The following SLC6A8 variants were observed in gnomAD, a reference collection of about 807,000 sequenced individuals.
SLC6A8 encodes the protein sodium- and chloride-dependent creatine transporter 1.
In SLC6A8, 6 loss-of-function variants were observed where a neutral mutation model predicts 48.3. The observed-to-expected ratio is 0.12, with a 90% CI of 0.07 to 0.25. The LOEUF (loss-of-function observed/expected upper bound fraction) is 0.25, where lower values mean the gene tolerates loss of function less well. Ranked by LOEUF, SLC6A8 falls within the 10% of genes least tolerant of loss-of-function variation. SLC6A8 has a pLI of 1.00. For synonymous variants in SLC6A8, 245 were observed against 244.0 expected, an observed-to-expected ratio of 1.00 and a Z score of -0.04; for missense variants, 260 against 551.5, an observed-to-expected ratio of 0.47 and a Z score of 5.29.
intron 2 of SLC6A8, 81 bp downstream of exon 2, chrX:153,690,587 G>C (rs1292525317): frequency 1.2e-5 from 13 of 1,049,631 alleles, no homozygotes; most frequent in Non-Finnish European, 1.6e-5. Context: ...CCTGTCGTGA[G>C]CACCAGGCCT....
intron 7 of SLC6A8, 86 bp from the exon 8 acceptor site, chrX:153,693,819 T>TGGGCGC (rs1254879497): frequency 1.2e-6 from 1 of 866,259 alleles, no homozygotes; most frequent in Non-Finnish European, 1.7e-6. Flanking sequence ...GGCGTGGGCA[T>TGGGCGC]GGGCGCGAGT....
In SLC6A8 at chrX:153,694,998, G is replaced by A. The variant is rs1320107342; in HGVS notation, c.1768-76G>A. The A allele has an allele frequency of 3.3e-5, 38 of 1,135,487 alleles. No individual in the cohort carries two copies. In the Middle Eastern group the frequency reaches 1.5e-3, roughly 46 times the overall value. 93.6% of individuals were successfully genotyped at this position (1,135,487 alleles called of 1,213,427 possible). The stretch of plus-strand genomic sequence containing the variant: ...ACTAGGGTGGCAGGCAGTGGGAACC[G>A]GAGAGAGGCAGAGGAAGTCACCGTG... On this transcript the variant is annotated intron_variant, in intron 12 of 12. Transcript: ENST00000253122.
At chrX:153,693,415 CCTGCCCAGCA>C in intron 6 of SLC6A8, 37 bp from the exon 7 acceptor site, 4 of 1,209,729 alleles carry the variant, frequency 3.3e-6, no homozygotes, top group Non-Finnish European at 4.5e-6. Context: ...CCTGCCCCGC[CCTGCCCAGCA>C]GCCTAACCCA....
intron 4 of SLC6A8, 185 bp downstream of exon 4, chrX:153,692,292 G>C (rs2091460351): frequency 1.9e-6 from 1 of 513,937 alleles, no homozygotes; most frequent in Admixed American, 2.7e-5. Flanking sequence ...TTGCTCCTGG[G>C]GATAGAGGCC....
intron 4 of SLC6A8, 193 bp from the exon 5 acceptor site, chrX:153,692,848 G>T: frequency 1.9e-6 from 1 of 538,453 alleles, no homozygotes; most frequent in East Asian, 3.7e-5. Flanking sequence ...GGCGCCCAGG[G>T]AGCTTCCCCA....
chrX:153,691,092 T>C lies in SLC6A8; in HGVS notation c.395-212T>C, dbSNP rs1245414876. 3 of 443,451 alleles carry C rather than the reference T, an allele frequency of 6.8e-6. No homozygotes were observed. In the African/African-American group the frequency reaches 7.3e-5, roughly 11 times the overall value. The allele number at this position is 443,451 out of a possible 1,213,427, so 36.5% of individuals were successfully genotyped here. ...AGAGGGGCTCGCTCTGCCTTGGGTC[T>C]AGGGGGCGGCTGGAGGAGAGGAGAC... On this transcript the variant is annotated intron_variant, in intron 2 of 12. Coordinates refer to ENST00000253122, the MANE Select transcript of SLC6A8 (RefSeq NM_005629.4).
At position 153,695,424 on chromosome X, in the gene SLC6A8, G is replaced by A. The variant is rs2091484878; in HGVS notation, c.*210G>A. 4.5e-6 allele frequency: 2 copies of A among 449,292 alleles called. No individual in the cohort carries two copies. Among genetic ancestry groups the A allele is most frequent in the Non-Finnish European group, 7.8e-6 (2 of 255,796 alleles). The allele number at this position is 449,292 out of a possible 1,213,427, so 37.0% of individuals were successfully genotyped here. On this transcript the variant is annotated 3_prime_UTR_variant, in exon 13 of 13. Coordinates refer to ENST00000253122, the MANE Select transcript of SLC6A8 (RefSeq NM_005629.4). ...ATATCACAACCCACCAAAAATAGATGCCTCTCCCCCTCCAGCCCTAGCCGA... is the reference window on the plus strand; with the variant it reads ...ATATCACAACCCACCAAAAATAGATACCTCTCCCCCTCCAGCCCTAGCCGA...
Position 153,688,748 on chromosome X carries a change from G to A in SLC6A8, c.174G>A (p.Gln58=), listed in dbSNP as rs1557043848. The A allele has an allele frequency of 8.8e-7, 1 of 1,139,669 alleles. No individual in the cohort carries two copies. The highest frequency in any genetic ancestry group is 1.2e-6 in the Non-Finnish European group (1 of 856,800). The allele number at this position is 1,139,669 out of a possible 1,213,427, so 93.9% of individuals were successfully genotyped here. ...AVPPRETWTR[Q]MDFIMSCVGF... ...CGCCGCGCGAGACCTGGACGCGCCAGATGGACTTCATCATGTCGTGCGTGG... is the reference window on the plus strand; with the variant it reads ...CGCCGCGCGAGACCTGGACGCGCCAAATGGACTTCATCATGTCGTGCGTGG... The change falls in exon 1 of 13, where the codon CAG becomes CAA. Residue 58 remains glutamine (Q), a synonymous_variant. Transcript: ENST00000253122.
In SLC6A8 at chrX:153,694,778, G is replaced by T. The variant is rs1557045696; in HGVS notation, c.1656G>T (p.Val552=). Residue 552 remains valine, a synonymous_variant, in exon 12 of 13, where the codon GTG becomes GTT. Coordinates refer to ENST00000253122, the MANE Select transcript of SLC6A8 (RefSeq NM_005629.4). ...YEPLVYNNTY[V]YPWWGEAMGW... ...CGCTGGTCTACAACAACACCTACGT[G>T]TACCCGTGGTGGGGTGAGGCCATGG... is the stretch of plus-strand genomic sequence containing the variant. The T allele has an allele frequency of 8.3e-7, 1 of 1,209,931 alleles. No individual in the cohort carries two copies. The highest frequency in any genetic ancestry group is 2.2e-5 in the Admixed American group (1 of 46,122).
At chrX:153,691,233 G>A in intron 2 of SLC6A8, 71 bp from the exon 3 acceptor site, 1 of 1,117,404 alleles carries the variant, frequency 8.9e-7, no homozygotes, top group South Asian at 2.0e-5. Flanking sequence ...CAGCCTGGGT[G>A]GGGACATAAA....
rs2148358552 is a variant in SLC6A8 at position 153,688,722 on chromosome X, C to T, written c.148C>T (p.Pro50Ser). 1 of 1,133,234 alleles carries T rather than the reference C, an allele frequency of 8.8e-7. No homozygotes were observed. Among genetic ancestry groups the T allele is most frequent in the Non-Finnish European group, 1.2e-6 (1 of 853,963 alleles). 93.4% of individuals were successfully genotyped at this position (1,133,234 alleles called of 1,213,427 possible). ...GACACCCGGCGGCCGCCTGGCCGTG[C>T]CGCCGCGCGAGACCTGGACGCGCCA... The part of the protein sequence containing the change: ...LGTPGGRLAV[P>S]PRETWTRQMD... The change falls in exon 1 of 13, where the codon CCG (proline) becomes TCG (serine). Residue 50 changes from proline to serine, a missense_variant. This residue lies in a region of SLC6A8 where 50 missense variants were observed against 55.1 expected (regional missense o/e 0.91). Transcript: ENST00000253122.
At chrX:153,692,701 G>C in intron 4 of SLC6A8, 1 of 376,144 alleles carries the variant, frequency 2.7e-6, no homozygotes, top group Non-Finnish European at 5.0e-6. Flanking sequence ...CTCCCTGCCT[G>C]GGCCTCCCAC....
At chrX:153,693,689 A>C (rs1466316285) in intron 7 of SLC6A8, 103 bp downstream of exon 7, 2 of 1,005,064 alleles carry the variant, frequency 2.0e-6, no homozygotes, top group Non-Finnish European at 2.8e-6. Context: ...ACGAGGATTC[A>C]AACGGAACTT....
intron 2 of SLC6A8, chrX:153,690,773 C>T: frequency 2.7e-6 from 1 of 369,252 alleles, no homozygotes; most frequent in Non-Finnish European, 4.8e-6. Context: ...CCTTGGCTCT[C>T]TAGGTAGGTC....
chrX:153,694,745 C>T lies in SLC6A8; in HGVS notation c.1623C>T (p.Tyr541=), dbSNP rs782191020. Residue 541 remains tyrosine (Y), a synonymous_variant, in exon 12 of 13, where the codon TAC becomes TAT. Coordinates refer to ENST00000253122, the MANE Select transcript of SLC6A8 (RefSeq NM_005629.4). Reference sequence around the variant, plus strand: ...GCATCTTCATCTTCAACGTTGTGTACTACGAGCCGCTGGTCTACAACAACA... The same window carrying T: ...GCATCTTCATCTTCAACGTTGTGTATTACGAGCCGCTGGTCTACAACAACA... The part of the protein sequence containing the change: ...CMGIFIFNVV[Y]YEPLVYNNTY... 4.1e-6 allele frequency: 5 copies of T among 1,209,747 alleles called. No homozygotes were observed. In the African/African-American group the frequency reaches 8.7e-5, roughly 21 times the overall value.
In SLC6A8 at chrX:153,694,724, C is replaced by G. The variant is rs782582776; in HGVS notation, c.1602C>G (p.Ile534Met). Residue 534 changes from isoleucine (I) to methionine (M), a missense_variant, in exon 12 of 13, where the codon ATC (isoleucine) becomes ATG (methionine). Ile to Met is a conservative substitution (Grantham distance 10). Coordinates refer to ENST00000253122, the MANE Select transcript of SLC6A8 (RefSeq NM_005629.4). ...SFFTPLVCMG[I>M]FIFNVVYYEP... ...CGCAGCATTCTGGTCCGTAGGGCAT[C>G]TTCATCTTCAACGTTGTGTACTACG... 60 of 1,209,579 alleles carry G rather than the reference C, an allele frequency of 5.0e-5. No individual in the cohort carries two copies. The highest frequency in any genetic ancestry group is 1.2e-4 in the South Asian group (7 of 56,875).
chrX:153,692,290 G>A (rs1557044638), intron 4 of SLC6A8, 183 bp downstream of exon 4: 2 of 515,792 alleles, frequency 3.9e-6, no homozygotes, highest in Admixed American at 2.7e-5. Context: ...CTTTGCTCCT[G>A]GGGATAGAGG....
At position 153,694,515 on chromosome X, in the gene SLC6A8, C is replaced by T. The variant is rs201867256; in HGVS notation, c.1496-18C>T. ...AGGCAGGTCTCCAGCTTGGCCCTCCCGCCTCACCTCGCCGCAGGAGCTGAC... is the reference window on the plus strand; with the variant it reads ...AGGCAGGTCTCCAGCTTGGCCCTCCTGCCTCACCTCGCCGCAGGAGCTGAC... On this transcript the variant is annotated intron_variant, in intron 10 of 12. Transcript: ENST00000253122. 5,528 of 1,198,600 alleles carry T rather than the reference C, an allele frequency of 4.6e-3. 22 individuals are homozygous for T. Among genetic ancestry groups the T allele is most frequent in the South Asian group, 0.032 (1,814 of 56,520 alleles).
At chrX:153,689,922 C>T (rs1197210012) in intron 1 of SLC6A8, among the ~76,000 whole-genome samples, 2 of 112,684 alleles carry the variant, frequency 1.8e-5, no homozygotes, top group Non-Finnish European at 3.8e-5. Flanking sequence ...TGCAGGCAAG[C>T]GTCCAAGGGC....
Sources: gnomAD v4.1 joint callset for allele counts (sites outside exome capture counted in the v4.1 genomes callset) on GRCh38, gnomAD v4.1.1 for gene constraint, gnomAD v4.1.1 regional missense constraint, MANE v1.5 for transcripts, NCBI Gene and HGNC (gene_info 2026-07-23, HGNC 2026-07-21) for gene names.